Variants in RFX3 observed in about 807,000 individuals in gnomAD.
The protein encoded by RFX3 is regulatory factor X3.
Under a neutral mutation model 98.6 loss-of-function variants are expected in RFX3, and 14 were observed. The observed-to-expected ratio is 0.14, with a 90% CI of 0.09 to 0.22. RFX3 has a LOEUF of 0.22. Ranked by LOEUF, RFX3 falls within the 10% of genes least tolerant of loss-of-function variation. RFX3 has a pLI of 1.00. For synonymous variants in RFX3, 383 were observed against 328.4 expected, an observed-to-expected ratio of 1.17 and a Z score of -1.80; for missense variants, 639 against 926.9, an observed-to-expected ratio of 0.69 and a Z score of 4.03.
At chr9:3,379,569 T>A (rs1015643801) in intron 2 of RFX3, among the ~76,000 whole-genome samples, 9 of 152,172 alleles carry the variant, frequency 5.9e-5, no homozygotes, top group African/African-American at 1.9e-4. Context: ...ACACTGAAAT[T>A]GAGTGGAAAT....
intron 4 of RFX3, among the ~76,000 whole-genome samples, chr9:3,303,736 AG>A (rs1484673592): frequency 4.0e-5 from 6 of 151,870 alleles, no homozygotes; most frequent in Non-Finnish European, 7.4e-5. Flanking sequence ...CTAGAAGGCC[AG>A]GCTTTTAGGA....
Position 3,330,152 on chromosome 9 carries a change from A to G in RFX3, c.474+107T>C, listed in dbSNP as rs149155351. 3.1e-3 allele frequency: 3,622 copies of G among 1,156,316 alleles called. 8 individuals are homozygous for G. Among genetic ancestry groups the G allele is most frequent in the Non-Finnish European group, 4.1e-3 (3,358 of 816,222 alleles). 71.6% of individuals were successfully genotyped at this position (1,156,316 alleles called of 1,614,324 possible). On this transcript the variant is annotated intron_variant, in intron 4 of 16. Coordinates refer to ENST00000617270, the MANE Select transcript of RFX3 (RefSeq NM_001282116.2). ...TCTCAATACTAAAACTATCCAACAC[A>G]TTCTTGCCCCAGTCCCATCTGTGTT... is the stretch of plus-strand genomic sequence containing the variant.
intron 1 of RFX3, among the ~76,000 whole-genome samples, chr9:3,420,473 A>G (rs1306844840): frequency 6.6e-6 from 1 of 152,198 alleles, no homozygotes; most frequent in Non-Finnish European, 1.5e-5. Flanking sequence ...TGAACCCCAC[A>G]ACAGCCCTTT....
intron 14 of RFX3, among the ~76,000 whole-genome samples, chr9:3,255,293 C>G (rs1486702895): frequency 1.3e-5 from 2 of 152,180 alleles, no homozygotes; most frequent in East Asian, 3.8e-4. Flanking sequence ...ATATGGAAAT[C>G]CTATAGTCTG....
intron 1 of RFX3, among the ~76,000 whole-genome samples, chr9:3,404,010 C>T (rs1841728038): frequency 6.6e-6 from 1 of 152,012 alleles, no homozygotes; most frequent in African/African-American, 2.4e-5. Context: ...TTTGCAGTTC[C>T]TAACTATTCT....
At chr9:3,354,234 G>T (rs1835479798) in intron 2 of RFX3, among the ~76,000 whole-genome samples, 1 of 151,966 alleles carries the variant, frequency 6.6e-6, no homozygotes. Context: ...AAGAGTGGTA[G>T]ATTTCTTTTT....
At chr9:3,383,759 T>C (rs1262189674) in intron 2 of RFX3, among the ~76,000 whole-genome samples, 2 of 152,166 alleles carry the variant, frequency 1.3e-5, no homozygotes, top group Non-Finnish European at 2.9e-5. Flanking sequence ...TTTTGTTTTA[T>C]TTTGTTTCAG....
chr9:3,359,028 C>G (rs1057389821), intron 2 of RFX3, among the ~76,000 whole-genome samples: 14 of 151,714 alleles, frequency 9.2e-5, no homozygotes, highest in Admixed American at 7.2e-4. Flanking sequence ...AGTAGGGACA[C>G]AGAGCCCACC....
At chr9:3,366,790 T>G (rs902102171) in intron 2 of RFX3, among the ~76,000 whole-genome samples, 2 of 148,162 alleles carry the variant, frequency 1.3e-5, no homozygotes, top group Non-Finnish European at 3.0e-5. Flanking sequence ...GTCATCTGGG[T>G]GTTTCAGTTG....
At chr9:3,248,360 T>C (rs940934697) in intron 14 of RFX3, among the ~76,000 whole-genome samples, 175 bp from the exon 15 acceptor site, 2 of 152,176 alleles carry the variant, frequency 1.3e-5, no homozygotes, top group African/African-American at 4.8e-5. Flanking sequence ...TTAAATAGAA[T>C]GATAAAGAGG....
At chr9:3,353,937 G>A (rs1002833741) in intron 2 of RFX3, among the ~76,000 whole-genome samples, 12 of 151,854 alleles carry the variant, frequency 7.9e-5, no homozygotes, top group African/African-American at 2.2e-4. Context: ...TGATTTAAGC[G>A]AAAACATGAC....
At chr9:3,499,106 AAAAC>A (rs779470345) in intron 1 of RFX3, among the ~76,000 whole-genome samples, 11 of 152,124 alleles carry the variant, frequency 7.2e-5, no homozygotes, top group Non-Finnish European at 1.5e-4. Flanking sequence ...CTAATTTGGT[AAAAC>A]AAACAATGAA....
intron 1 of RFX3, among the ~76,000 whole-genome samples, chr9:3,465,729 C>A (rs1333101262): frequency 6.6e-6 from 1 of 151,750 alleles, no homozygotes; most frequent in Non-Finnish European, 1.5e-5. Flanking sequence ...GGTATGCAAA[C>A]AGGGCATTTT....
At chr9:3,501,482 T>C (rs1587870191) in intron 1 of RFX3, among the ~76,000 whole-genome samples, 1 of 152,042 alleles carries the variant, frequency 6.6e-6, no homozygotes, top group Non-Finnish European at 1.5e-5. Context: ...TTTCTTCAAA[T>C]TATTTCAACA....
At chr9:3,414,950 ATG>A (rs1276441433) in intron 1 of RFX3, among the ~76,000 whole-genome samples, 20 of 137,452 alleles carry the variant, frequency 1.5e-4, no homozygotes, top group Middle Eastern at 5.7e-3. Context: ...ATACACATAT[ATG>A]TGTGTGTATA....
At chr9:3,368,517 G>C (rs144428021) in intron 2 of RFX3, among the ~76,000 whole-genome samples, 1 of 152,072 alleles carries the variant, frequency 6.6e-6, no homozygotes, top group Admixed American at 6.6e-5. Context: ...AAAAGTAAAA[G>C]GGCATTGAAA....
chr9:3,276,468 T>G (rs1395375236), intron 8 of RFX3, among the ~76,000 whole-genome samples: 7 of 152,086 alleles, frequency 4.6e-5, no homozygotes, highest in African/African-American at 1.7e-4. Flanking sequence ...TTCTAGGTAA[T>G]CCAGAATATG....
chr9:3,384,644 C>A (rs1271195690), intron 2 of RFX3, among the ~76,000 whole-genome samples: 2 of 152,122 alleles, frequency 1.3e-5, no homozygotes. Flanking sequence ...GGACTTCTGA[C>A]AGAAGTAAAA....
At chr9:3,275,363 T>C in intron 9 of RFX3, 137 bp downstream of exon 9, 1 of 488,932 alleles carries the variant, frequency 2.0e-6, no homozygotes, top group Non-Finnish European at 3.7e-6. Context: ...AAAATGAATT[T>C]GTTAGTGCTA....
Sources: allele counts gnomAD v4.1 joint callset (sites outside exome capture counted in the v4.1 genomes callset), GRCh38; gene constraint gnomAD v4.1.1; transcripts MANE v1.5; gene names NCBI Gene and HGNC (gene_info 2026-07-23, HGNC 2026-07-21).